VWC2L: variants seen among roughly 807,000 people sequenced by gnomAD.
The protein encoded by VWC2L is von Willebrand factor C domain containing 2 like.
VWC2L carries 10 observed loss-of-function variants against 21.6 expected under a neutral mutation model. The observed-to-expected ratio is 0.46, with a 90% CI of 0.29 to 0.78. VWC2L has a LOEUF of 0.78. VWC2L is among the 30% of genes least tolerant of loss of function. The pLI is 0.10. For missense variants in VWC2L, 209 were observed against 277.1 expected (o/e 0.75, Z 1.74); for synonymous variants, 96 against 94.3 (o/e 1.02, Z -0.10).
At chr2:214,535,337 T>G (rs1216005127) in intron 3 of VWC2L, among the ~76,000 whole-genome samples, 1 of 152,100 alleles carries the variant, frequency 6.6e-6, no homozygotes, top group Admixed American at 6.6e-5. Flanking sequence ...CTAAAGAAAC[T>G]TTTTGTTAAA....
At chr2:214,533,434 G>A (rs1382173930) in intron 3 of VWC2L, among the ~76,000 whole-genome samples, 1 of 151,846 alleles carries the variant, frequency 6.6e-6, no homozygotes, top group Non-Finnish European at 1.5e-5. Context: ...CTCTACCCCT[G>A]GGCTTTGCCA....
chr2:214,474,938 C>G (rs1688489084), intron 3 of VWC2L, among the ~76,000 whole-genome samples: 1 of 152,122 alleles, frequency 6.6e-6, no homozygotes, highest in Non-Finnish European at 1.5e-5. Flanking sequence ...TAATACCAAC[C>G]TGGACAGGAA....
rs373739550 is a variant in VWC2L, at chr2:214,414,590, G to A, written c.390+7G>A. The A allele has an allele frequency of 8.2e-5, 132 of 1,609,232 alleles. No individual in the cohort carries two copies. The highest frequency in any genetic ancestry group is 4.2e-4 in the East Asian group (19 of 44,850). Reference sequence around the variant, plus strand: ...AATCTTGGAGGAATTTAAGGTATGCGTTACCCTCCATATTTATTGAAATAT... The same window carrying A: ...AATCTTGGAGGAATTTAAGGTATGCATTACCCTCCATATTTATTGAAATAT... On this transcript the variant is annotated splice_region_variant and intron_variant, in intron 2 of 3. Transcript: ENST00000312504.
chr2:214,425,852 G>C (rs1443745392), intron 2 of VWC2L, among the ~76,000 whole-genome samples: 1 of 151,992 alleles, frequency 6.6e-6, no homozygotes, highest in Non-Finnish European at 1.5e-5. Context: ...AGTAGCTTAT[G>C]ATGACTGCTC....
intron 3 of VWC2L, 79 bp from the exon 4 acceptor site, chr2:214,575,593 T>C: frequency 6.5e-7 from 1 of 1,529,620 alleles, no homozygotes; most frequent in Non-Finnish European, 9.0e-7. Context: ...TTTATGGCTT[T>C]GGGGCTTGGG....
intron 3 of VWC2L, among the ~76,000 whole-genome samples, chr2:214,568,790 G>A (rs1690106362): frequency 6.6e-6 from 1 of 152,154 alleles, no homozygotes; most frequent in Non-Finnish European, 1.5e-5. Context: ...TTTAATAAGT[G>A]TATTTTCTGC....
chr2:214,573,236 T>C (rs994089233), intron 3 of VWC2L, among the ~76,000 whole-genome samples: 17 of 151,946 alleles, frequency 1.1e-4, no homozygotes, highest in Admixed American at 3.3e-4. Context: ...TCTCTACACA[T>C]ACACATACAC....
At chr2:214,451,487 G>A (rs1386481684) in intron 3 of VWC2L, among the ~76,000 whole-genome samples, 2 of 152,056 alleles carry the variant, frequency 1.3e-5, no homozygotes, top group Admixed American at 6.6e-5. Context: ...ATCTCAGTAG[G>A]GGCAAAGGCA....
chr2:214,542,148 A>T (rs1343116191), intron 3 of VWC2L, among the ~76,000 whole-genome samples: 4 of 152,178 alleles, frequency 2.6e-5, no homozygotes, highest in African/African-American at 4.8e-5. Flanking sequence ...TTATTAACAC[A>T]GTTCCTTCGG....
intron 2 of VWC2L, among the ~76,000 whole-genome samples, chr2:214,431,838 G>C (rs1702605181): frequency 1.3e-5 from 2 of 152,150 alleles, no homozygotes; most frequent in Non-Finnish European, 2.9e-5. Context: ...TCCAAATTTA[G>C]TTAGCACAGT....
intron 3 of VWC2L, among the ~76,000 whole-genome samples, chr2:214,550,411 C>A (rs1165296859): frequency 1.4e-4 from 22 of 152,122 alleles, no homozygotes; most frequent in Admixed American, 1.4e-3. Flanking sequence ...TTTATTCATT[C>A]TTTTATTTCT....
chr2:214,428,907 C>T (rs1410769242), intron 2 of VWC2L, among the ~76,000 whole-genome samples: 1 of 151,836 alleles, frequency 6.6e-6, no homozygotes, highest in Non-Finnish European at 1.5e-5. Flanking sequence ...TGATAACTCC[C>T]ATCCCTTAGA....
At chr2:214,575,220 C>T (rs368882527) in intron 3 of VWC2L, among the ~76,000 whole-genome samples, 7 of 151,988 alleles carry the variant, frequency 4.6e-5, no homozygotes, top group East Asian at 3.9e-4. Flanking sequence ...AACTGGGGAA[C>T]GAGCGAGTTT....
At chr2:214,468,023 G>A (rs188764913) in intron 3 of VWC2L, among the ~76,000 whole-genome samples, 4 of 151,754 alleles carry the variant, frequency 2.6e-5, no homozygotes, top group East Asian at 1.9e-4. Flanking sequence ...GAGGTTTTAC[G>A]TCTTTTTTTT....
At chr2:214,515,495 C>G (rs1371989465) in intron 3 of VWC2L, among the ~76,000 whole-genome samples, 1 of 152,132 alleles carries the variant, frequency 6.6e-6, no homozygotes, top group African/African-American at 2.4e-5. Flanking sequence ...CAATCAGGGT[C>G]CAAAGAAAAC....
intron 3 of VWC2L, among the ~76,000 whole-genome samples, chr2:214,490,319 C>A (rs1688728736): frequency 6.8e-6 from 1 of 148,098 alleles, no homozygotes; most frequent in Non-Finnish European, 1.5e-5. Flanking sequence ...TTTTAAAACA[C>A]TAAATCTTTT....
intron 2 of VWC2L, among the ~76,000 whole-genome samples, chr2:214,418,994 A>G (rs1273983110): frequency 1.3e-5 from 2 of 152,192 alleles, no homozygotes; most frequent in Non-Finnish European, 2.9e-5. Flanking sequence ...GCAGTTGCAA[A>G]TCATAGGTCA....
At chr2:214,493,508 C>G (rs921089341) in intron 3 of VWC2L, among the ~76,000 whole-genome samples, 1 of 152,150 alleles carries the variant, frequency 6.6e-6, no homozygotes, top group Non-Finnish European at 1.5e-5. Flanking sequence ...CTCTCTATTC[C>G]TTTGCATTCT....
intron 3 of VWC2L, among the ~76,000 whole-genome samples, chr2:214,474,118 A>G (rs1688463867): frequency 6.6e-6 from 1 of 152,170 alleles, no homozygotes; most frequent in African/African-American, 2.4e-5. Flanking sequence ...CTGATTTCCA[A>G]TAAAATTATT....
Sources: gnomAD v4.1 joint callset for allele counts (sites outside exome capture counted in the v4.1 genomes callset) on GRCh38, gnomAD v4.1.1 for gene constraint, MANE v1.5 for transcripts, NCBI Gene and HGNC (gene_info 2026-07-23, HGNC 2026-07-21) for gene names.